The following ZFAT variants were observed in gnomAD, a reference collection of about 807,000 sequenced individuals.
ZFAT encodes zinc finger and AT-hook domain containing.
A neutral mutation model predicts 117.7 loss-of-function variants in ZFAT; 64 were observed. That is an observed-to-expected ratio of 0.54 (90% CI 0.44 to 0.67). The LOEUF is 0.67. Among genes scored for constraint, ZFAT ranks in the 30% least tolerant of loss-of-function variants. The pLI is 0.00. For missense variants in ZFAT, 1,433 were observed against 1,584.5 expected (o/e 0.90, Z 1.62); for synonymous variants, 679 against 615.0 (o/e 1.10, Z -1.54).
intron 3 of ZFAT, among the ~76,000 whole-genome samples, chr8:134,637,152 T>C (rs1329210238): frequency 6.6e-6 from 1 of 152,256 alleles, no homozygotes; most frequent in Non-Finnish European, 1.5e-5. Context: ...TAAAACCTTG[T>C]CTTCTTTCCC....
intron 11 of ZFAT, among the ~76,000 whole-genome samples, chr8:134,537,512 G>A (rs949955264): frequency 6.6e-6 from 1 of 152,242 alleles, no homozygotes; most frequent in Non-Finnish European, 1.5e-5. Flanking sequence ...TCATTAGGAG[G>A]CAGGGACTTG....
At chr8:134,564,813 C>T (rs923755332) in intron 11 of ZFAT, among the ~76,000 whole-genome samples, 3 of 152,144 alleles carry the variant, frequency 2.0e-5, no homozygotes, top group Non-Finnish European at 4.4e-5. Context: ...CAAGCATTAC[C>T]ACCTACACTG....
At chr8:134,665,185 G>A (rs1052626907) in intron 1 of ZFAT, among the ~76,000 whole-genome samples, 2 of 152,200 alleles carry the variant, frequency 1.3e-5, no homozygotes, top group African/African-American at 4.8e-5. Flanking sequence ...CATAGGCCCT[G>A]AGGGGGAGAC....
At chr8:134,597,205 C>G (rs540986260) in intron 7 of ZFAT, among the ~76,000 whole-genome samples, 1 of 149,986 alleles carries the variant, frequency 6.7e-6, no homozygotes, top group East Asian at 1.9e-4. Flanking sequence ...TTTTTTTGTA[C>G]TGCGTCAACA....
the ZFAT span, among the ~76,000 whole-genome samples, chr8:134,746,765 G>C: frequency 6.6e-6 from 1 of 152,164 alleles, no homozygotes; most frequent in African/African-American, 2.4e-5. Flanking sequence ...CAATGGACGA[G>C]TTGAAGAGTA....
intron 5 of ZFAT, among the ~76,000 whole-genome samples, chr8:134,603,892 G>T (rs902446780): frequency 4.6e-5 from 7 of 152,220 alleles, no homozygotes; most frequent in Admixed American, 3.9e-4. Flanking sequence ...GCTGGCATGT[G>T]GCTCTCCATC....
intron 10 of ZFAT, among the ~76,000 whole-genome samples, chr8:134,570,482 G>A (rs1221686073): frequency 1.3e-5 from 2 of 152,060 alleles, no homozygotes; most frequent in Non-Finnish European, 2.9e-5. Flanking sequence ...GGAGATTTTG[G>A]GTTTGGGCTT....
the ZFAT span, among the ~76,000 whole-genome samples, chr8:134,737,149 G>A: frequency 3.3e-5 from 5 of 151,960 alleles, no homozygotes; most frequent in African/African-American, 1.2e-4. Context: ...ACGTGGTGGC[G>A]CATGATTGTA....
intron 2 of ZFAT, among the ~76,000 whole-genome samples, chr8:134,646,884 T>G (rs1830928751): frequency 6.6e-6 from 1 of 151,764 alleles, no homozygotes; most frequent in Admixed American, 6.6e-5. Flanking sequence ...CAATAACAAG[T>G]TAGGAGACTG....
chr8:134,642,012 T>A (rs1019189981), intron 2 of ZFAT, among the ~76,000 whole-genome samples: 1 of 152,218 alleles, frequency 6.6e-6, no homozygotes, highest in African/African-American at 2.4e-5. Context: ...TATTTGTGCA[T>A]CACTCAAGTT....
At chr8:134,533,168 G>A (rs1821560962) in intron 11 of ZFAT, among the ~76,000 whole-genome samples, 196 bp from the exon 12 acceptor site, 1 of 152,216 alleles carries the variant, frequency 6.6e-6, no homozygotes, top group African/African-American at 2.4e-5. Flanking sequence ...AAGGGACCGG[G>A]ACAAGGTGCC....
At chr8:134,672,158 T>C (rs1466838994) in intron 1 of ZFAT, among the ~76,000 whole-genome samples, 2 of 152,228 alleles carry the variant, frequency 1.3e-5, no homozygotes, top group African/African-American at 4.8e-5. Flanking sequence ...AGAATCAATA[T>C]TGTGAAAATG....
Position 134,509,747 on chromosome 8 carries a change from C to A in ZFAT, c.3364G>T (p.Asp1122Tyr), listed in dbSNP as rs149047514. The A allele has an allele frequency of 1.2e-6, 2 of 1,600,632 alleles. No individual in the cohort carries two copies. The highest frequency in any genetic ancestry group is 2.2e-5 in the South Asian group (2 of 89,922). ...QDLRYTSESGDRLDPTAVNIL... is the reference protein window; with the variant it reads ...QDLRYTSESGYRLDPTAVNIL... ...TTCACGGCCGTGGGGTCCAGTCGGT[C>A]GCCTTAAGAGGAAGAAGCAAAGAGG... The change falls in exon 15 of 16, where the codon GAC becomes TAC. Residue 1122 changes from aspartate to tyrosine, a missense_variant and splice_region_variant. By Grantham distance (160) the Asp-to-Tyr change is radical (BLOSUM62 -3). This residue lies in a region of ZFAT where 503 missense variants were observed against 543.4 expected (regional missense o/e 0.93). Transcript: ENST00000377838.
the ZFAT span, among the ~76,000 whole-genome samples, chr8:134,727,050 G>A: frequency 1.3e-5 from 2 of 151,590 alleles, no homozygotes; most frequent in Admixed American, 6.6e-5. Flanking sequence ...CCCTGCTCAT[G>A]TCTGCCTTGC....
intron 15 of ZFAT, among the ~76,000 whole-genome samples, chr8:134,485,899 C>A (rs1817622895): frequency 6.6e-6 from 1 of 152,202 alleles, no homozygotes; most frequent in Non-Finnish European, 1.5e-5. Context: ...CACAAATTCG[C>A]ATCACAGCTT....
intron 7 of ZFAT, among the ~76,000 whole-genome samples, chr8:134,596,614 G>T (rs937311844): frequency 2.0e-5 from 3 of 152,154 alleles, no homozygotes; most frequent in Non-Finnish European, 4.4e-5. Context: ...AAAACACTCT[G>T]TAGTTGGGAG....
the ZFAT span, among the ~76,000 whole-genome samples, chr8:134,832,295 T>C: frequency 6.6e-6 from 1 of 151,668 alleles, no homozygotes; most frequent in East Asian, 2.0e-4. Flanking sequence ...CCCTCCAGTG[T>C]GTCTGAGGGA....
chr8:134,548,929 C>T (rs1822911935), intron 11 of ZFAT, among the ~76,000 whole-genome samples: 1 of 152,180 alleles, frequency 6.6e-6, no homozygotes, highest in Non-Finnish European at 1.5e-5. Flanking sequence ...ACGGAACACG[C>T]GAAAACAAAA....
chr8:134,589,799 T>C lies in ZFAT; in HGVS notation c.2563+469A>G, dbSNP rs74624672. 6.1e-3 allele frequency among the ~76,000 whole-genome samples: 923 copies of C among 152,246 alleles called. 6 individuals carry two copies. Among genetic ancestry groups the C allele is most frequent in the African/African-American group, 0.021 (852 of 41,538 alleles). On this transcript the variant is annotated intron_variant, in intron 8 of 15. Coordinates refer to ENST00000377838, the MANE Select transcript of ZFAT (RefSeq NM_020863.4). ...ATGTTCCAGGTGGCACGAACAGAAA[T>C]GACAAGGTATGAACACCCAGGTAGC...
Sources: allele counts gnomAD v4.1 joint callset (sites outside exome capture counted in the v4.1 genomes callset), GRCh38; gene constraint gnomAD v4.1.1; regional missense constraint gnomAD v4.1.1; transcripts MANE v1.5; gene names NCBI Gene and HGNC (gene_info 2026-07-23, HGNC 2026-07-21).